Variants in IQGAP2 observed in about 807,000 individuals in gnomAD.
IQGAP2 encodes IQ motif containing GTPase activating protein 2, also known as ras GTPase-activating-like protein IQGAP2.
Under a neutral mutation model 201.3 loss-of-function variants are expected in IQGAP2, and 173 were observed. The ratio of observed to expected loss-of-function variants is 0.86; its 90% CI spans 0.76 to 0.98. The LOEUF is 0.98. Among genes scored for constraint, IQGAP2 ranks in the 50% least tolerant of loss-of-function variants. The pLI is 0.00. For synonymous variants in IQGAP2, 675 were observed against 673.9 expected (o/e 1.00, Z -0.03); for missense variants, 1,687 against 1,864.8 (o/e 0.90, Z 1.76).
chr5:76,438,035 GTT>G (rs71604291), intron 1 of IQGAP2, among the ~76,000 whole-genome samples: 1 of 68,598 alleles, frequency 1.5e-5, no homozygotes, highest in African/African-American at 8.1e-5. Context: ...TTTTTTGTTT[GTT>G]TTTTTTTTTG....
At chr5:76,670,912 A>T (rs1390667294) in intron 23 of IQGAP2, among the ~76,000 whole-genome samples, 1 of 152,214 alleles carries the variant, frequency 6.6e-6, no homozygotes, top group Non-Finnish European at 1.5e-5. Flanking sequence ...TGCCTTCTAG[A>T]TTGAAATTGA....
intron 13 of IQGAP2, among the ~76,000 whole-genome samples, chr5:76,612,773 T>TA (rs1421457964): frequency 3.3e-5 from 5 of 152,100 alleles, no homozygotes; most frequent in Non-Finnish European, 7.4e-5. Flanking sequence ...CACACACTCT[T>TA]ACATGTGTCT....
In IQGAP2 at chr5:76,637,156, C is replaced by A; in HGVS notation, c.1903C>A (p.Leu635Ile). The stretch of plus-strand genomic sequence containing the variant: ...ATCATGCTTGTATAAAGAATCATGG[C>A]TCACAGGAAAAGAAATCGAGGTAGG... ...PESCLYKESWLTGKEIEDIIE... is the reference protein window; with the variant it reads ...PESCLYKESWITGKEIEDIIE... Residue 635 changes from leucine (L) to isoleucine (I), a missense_variant, in exon 16 of 36, where the codon CTC becomes ATC. Transcript: ENST00000274364. 1 of 1,605,842 alleles carries A rather than the reference C, an allele frequency of 6.2e-7. No individual in the cohort carries two copies. The highest frequency in any genetic ancestry group is 8.5e-7 in the Non-Finnish European group (1 of 1,176,736).
At chr5:76,685,411 G>A (rs1745649004) in intron 30 of IQGAP2, among the ~76,000 whole-genome samples, 1 of 152,128 alleles carries the variant, frequency 6.6e-6, no homozygotes, top group Admixed American at 6.5e-5. Flanking sequence ...TCTGCTATTT[G>A]AACATCATTT....
At chr5:76,561,564 C>G (rs539249716) in intron 2 of IQGAP2, among the ~76,000 whole-genome samples, 2 of 152,274 alleles carry the variant, frequency 1.3e-5, no homozygotes, top group African/African-American at 2.4e-5. Context: ...GAGAACTGCA[C>G]ACCGGGTTCT....
intron 17 of IQGAP2, among the ~76,000 whole-genome samples, chr5:76,646,049 G>C (rs1752010483): frequency 1.3e-5 from 2 of 152,194 alleles, no homozygotes; most frequent in South Asian, 4.1e-4. Context: ...TATGGACTAA[G>C]GAAGGAGTGG....
chr5:76,433,844 A>G (rs1752511535), intron 1 of IQGAP2, among the ~76,000 whole-genome samples: 2 of 152,186 alleles, frequency 1.3e-5, no homozygotes, highest in African/African-American at 2.4e-5. Flanking sequence ...TATTTGTCAC[A>G]TCCAAGGAAT....
chr5:76,518,106 C>T (rs1302318305), intron 2 of IQGAP2, among the ~76,000 whole-genome samples: 1 of 152,096 alleles, frequency 6.6e-6, no homozygotes, highest in East Asian at 1.9e-4. Context: ...ACCAGGCACG[C>T]ACCACCATGC....
At chr5:76,518,354 C>T (rs1463545814) in intron 2 of IQGAP2, among the ~76,000 whole-genome samples, 11 of 152,192 alleles carry the variant, frequency 7.2e-5, no homozygotes, top group African/African-American at 2.7e-4. Context: ...TCACATTTTA[C>T]ATGGATGGCA....
In IQGAP2 at chr5:76,684,594, A is replaced by T. The variant is rs74406476; in HGVS notation, c.3905+677A>T. The stretch of plus-strand genomic sequence containing the variant: ...TGACCAAGCAGTGCAGTTTTCAAGA[A>T]CTTATACAAACCCAAGAATGCATAT... On this transcript the variant is annotated intron_variant, in intron 30 of 35. Coordinates refer to ENST00000274364, the MANE Select transcript of IQGAP2 (RefSeq NM_006633.5). 3.3e-3 allele frequency among the ~76,000 whole-genome samples: 497 copies of T among 152,328 alleles called. 4 individuals are homozygous for T. Among genetic ancestry groups the T allele is most frequent in the African/African-American group, 0.011 (460 of 41,570 alleles).
At chr5:76,693,125 A>G (rs1580836603) in intron 30 of IQGAP2, among the ~76,000 whole-genome samples, 1 of 152,246 alleles carries the variant, frequency 6.6e-6, no homozygotes, top group African/African-American at 2.4e-5. Context: ...TACTGACAGT[A>G]TAATGCTACA....
intron 1 of IQGAP2, among the ~76,000 whole-genome samples, chr5:76,436,636 T>C (rs2150098781): frequency 6.8e-6 from 1 of 146,806 alleles, no homozygotes; most frequent in African/African-American, 2.5e-5. Context: ...GTTCAAGTGA[T>C]TCTTCTGCCT....
At chr5:76,546,924 G>T (rs1743134203) in intron 2 of IQGAP2, among the ~76,000 whole-genome samples, 1 of 152,184 alleles carries the variant, frequency 6.6e-6, no homozygotes, top group Middle Eastern at 3.2e-3. Context: ...ACATATGTTG[G>T]ATTCTTTTTT....
intron 3 of IQGAP2, 83 bp from the exon 4 acceptor site, chr5:76,570,497 C>G: frequency 1.1e-6 from 1 of 880,340 alleles, no homozygotes; most frequent in East Asian, 2.4e-5. Context: ...GAAAAGCATC[C>G]TGTACATGAA....
At chr5:76,512,841 G>A (rs1265916377) in intron 2 of IQGAP2, among the ~76,000 whole-genome samples, 2 of 152,188 alleles carry the variant, frequency 1.3e-5, no homozygotes, top group Non-Finnish European at 1.5e-5. Context: ...CAGATCACGA[G>A]GTCAGTAGTT....
At chr5:76,454,297 AATT>A (rs1010803512) in intron 1 of IQGAP2, among the ~76,000 whole-genome samples, 1 of 151,536 alleles carries the variant, frequency 6.6e-6, no homozygotes, top group Non-Finnish European at 1.5e-5. Context: ...TATATTTTTT[AATT>A]ATTATTATAC....
At chr5:76,469,833 G>T (rs1312694404) in intron 2 of IQGAP2, among the ~76,000 whole-genome samples, 4 of 152,156 alleles carry the variant, frequency 2.6e-5, no homozygotes, top group African/African-American at 9.7e-5. Flanking sequence ...AGATGAAGTG[G>T]AGAGTGAATC....
At chr5:76,649,821 C>T (rs1458517474) in intron 17 of IQGAP2, among the ~76,000 whole-genome samples, 1 of 152,240 alleles carries the variant, frequency 6.6e-6, no homozygotes, top group Non-Finnish European at 1.5e-5. Flanking sequence ...TCTGCTCCTG[C>T]AGCAGGCTTC....
At chr5:76,681,166 G>A (rs1008684057) in intron 28 of IQGAP2, among the ~76,000 whole-genome samples, 6 of 148,964 alleles carry the variant, frequency 4.0e-5, no homozygotes, top group African/African-American at 4.9e-5. Flanking sequence ...TAATATGTTT[G>A]ATTGGGGACT....
Sources: gnomAD v4.1 joint callset for allele counts (sites outside exome capture counted in the v4.1 genomes callset) on GRCh38, gnomAD v4.1.1 for gene constraint, MANE v1.5 for transcripts, NCBI Gene and HGNC (gene_info 2026-07-23, HGNC 2026-07-21) for gene names.